The following GNAQ variants were observed in gnomAD, a reference collection of about 807,000 sequenced individuals.
The protein encoded by GNAQ is guanine nucleotide-binding protein G(q) subunit alpha.
Under a neutral mutation model 43.9 loss-of-function variants are expected in GNAQ, and 8 were observed. That is an observed-to-expected ratio of 0.18 (90% CI 0.11 to 0.33). The LOEUF is 0.33. Ranked by LOEUF, GNAQ falls within the 10% of genes least tolerant of loss-of-function variation. The probability of loss-of-function intolerance (pLI) is 1.00; values close to 1 mark genes in which losing one functional copy is unlikely to be tolerated. For missense variants in GNAQ, 158 were observed against 450.8 expected, an observed-to-expected ratio of 0.35 and a Z score of 5.88; for synonymous variants, 155 against 170.7, an observed-to-expected ratio of 0.91 and a Z score of 0.71.
chr9:77,960,948 T>C (rs1303101690), intron 1 of GNAQ, among the ~76,000 whole-genome samples: 1 of 152,210 alleles, frequency 6.6e-6, no homozygotes, highest in East Asian at 1.9e-4. Flanking sequence ...TATGAGATCA[T>C]TCCCTGTATG....
intron 1 of GNAQ, among the ~76,000 whole-genome samples, chr9:77,988,608 TTAAAA>T (rs898984721): frequency 1.3e-5 from 2 of 152,180 alleles, no homozygotes; most frequent in Non-Finnish European, 2.9e-5. Context: ...GGTTTTCCCC[TTAAAA>T]TAAACATATG....
At chr9:77,854,388 A>G (rs1397788564) in intron 2 of GNAQ, among the ~76,000 whole-genome samples, 1 of 152,170 alleles carries the variant, frequency 6.6e-6, no homozygotes, top group Non-Finnish European at 1.5e-5. Context: ...AATATGTGCT[A>G]TTGTCAGGAA....
chr9:77,813,911 G>A (rs1274111281), intron 3 of GNAQ, among the ~76,000 whole-genome samples: 1 of 152,148 alleles, frequency 6.6e-6, no homozygotes. Flanking sequence ...AATGGAGGAT[G>A]AGTTAGTTTT....
At chr9:77,832,386 A>G (rs1278240482) in intron 2 of GNAQ, among the ~76,000 whole-genome samples, 2 of 152,116 alleles carry the variant, frequency 1.3e-5, no homozygotes, top group Non-Finnish European at 2.9e-5. Flanking sequence ...AGCCACATGT[A>G]CTATGCTGAG....
At chr9:77,732,138 G>A (rs1367646731) in intron 5 of GNAQ, among the ~76,000 whole-genome samples, 4 of 152,126 alleles carry the variant, frequency 2.6e-5, no homozygotes, top group East Asian at 3.9e-4. Context: ...GGAACAGCAC[G>A]TCCCAGGAGA....
intron 1 of GNAQ, among the ~76,000 whole-genome samples, chr9:77,973,735 T>C (rs554100090): frequency 4.3e-4 from 65 of 152,246 alleles, no homozygotes; most frequent in Non-Finnish European, 7.9e-4. Flanking sequence ...GGAGAATCGC[T>C]TGAATGTGGG....
intron 3 of GNAQ, among the ~76,000 whole-genome samples, chr9:77,811,309 G>A (rs1448722833): frequency 2.8e-5 from 4 of 144,302 alleles, no homozygotes; most frequent in Non-Finnish European, 6.1e-5. Flanking sequence ...CAATTATAAA[G>A]ATATGAAGAT....
intron 5 of GNAQ, among the ~76,000 whole-genome samples, chr9:77,789,766 T>C (rs1341684929): frequency 1.3e-5 from 2 of 152,224 alleles, no homozygotes; most frequent in South Asian, 2.1e-4. Context: ...ATAAATTCAA[T>C]GTAAATTCTT....
At chr9:77,748,147 T>C (rs1587896137) in intron 5 of GNAQ, among the ~76,000 whole-genome samples, 1 of 152,256 alleles carries the variant, frequency 6.6e-6, no homozygotes, top group African/African-American at 2.4e-5. Context: ...TCAGATGAAA[T>C]AAAATCCAGT....
At chr9:77,874,081 G>A (rs1274576124) in intron 2 of GNAQ, among the ~76,000 whole-genome samples, 15 of 143,218 alleles carry the variant, frequency 1.0e-4, no homozygotes, top group African/African-American at 4.0e-4. Context: ...CTCCACCTGG[G>A]CAACAAGAGC....
intron 5 of GNAQ, among the ~76,000 whole-genome samples, chr9:77,786,322 G>A (rs1047813371): frequency 3.4e-5 from 5 of 147,570 alleles, no homozygotes; most frequent in Non-Finnish European, 7.4e-5. Flanking sequence ...AGCTTGCAGC[G>A]AGCCGAGATG....
chr9:78,024,779 A>T (rs564424902), intron 1 of GNAQ, among the ~76,000 whole-genome samples: 2 of 152,252 alleles, frequency 1.3e-5, no homozygotes, highest in African/African-American at 2.4e-5. Flanking sequence ...GTAGGTGCTC[A>T]TATTTGTTCA....
chr9:77,814,019 G>A (rs1887773), intron 3 of GNAQ, among the ~76,000 whole-genome samples: 17,078 of 152,090 alleles, frequency 0.11, 1,040 homozygotes, highest in East Asian at 0.24. Flanking sequence ...GGGTAAATAA[G>A]CAGACAGGAG....
intron 5 of GNAQ, among the ~76,000 whole-genome samples, chr9:77,751,650 A>G (rs1825813233): frequency 6.6e-6 from 1 of 152,164 alleles, no homozygotes; most frequent in South Asian, 2.1e-4. Context: ...CCCCATGTGG[A>G]TACCAAAAAT....
intron 1 of GNAQ, among the ~76,000 whole-genome samples, chr9:77,924,458 AAAG>A (rs1436494519): frequency 6.6e-6 from 1 of 152,202 alleles, no homozygotes; most frequent in Non-Finnish European, 1.5e-5. Context: ...CACAATAAAA[AAAG>A]AAGAAATCCT....
At chr9:77,820,477 A>G (rs1268287258) in intron 2 of GNAQ, among the ~76,000 whole-genome samples, 3 of 152,214 alleles carry the variant, frequency 2.0e-5, no homozygotes, top group African/African-American at 7.2e-5. Flanking sequence ...CTGGGTTCTC[A>G]TTGTGAGTGA....
intron 1 of GNAQ, among the ~76,000 whole-genome samples, chr9:77,973,009 GAAA>G: frequency 2.2e-5 from 2 of 91,026 alleles, no homozygotes; most frequent in Middle Eastern, 6.0e-3. Context: ...ATTTAAAAAA[GAAA>G]GGAAAAAAAA....
chr9:77,847,184 A>G (rs1051789190), intron 2 of GNAQ, among the ~76,000 whole-genome samples: 4 of 152,154 alleles, frequency 2.6e-5, no homozygotes, highest in South Asian at 2.1e-4. Context: ...GTCTAGAAAC[A>G]TCTCTCGCTC....
intron 2 of GNAQ, among the ~76,000 whole-genome samples, chr9:77,838,699 T>C (rs891560251): frequency 6.6e-6 from 1 of 152,090 alleles, no homozygotes; most frequent in Non-Finnish European, 1.5e-5. Context: ...ATTACAGGGG[T>C]GAGCCACCGT....
Sources: allele counts gnomAD v4.1 joint callset (sites outside exome capture counted in the v4.1 genomes callset), GRCh38; gene constraint gnomAD v4.1.1; transcripts MANE v1.5; gene names NCBI Gene and HGNC (gene_info 2026-07-23, HGNC 2026-07-21).